LYZL1: variants seen among roughly 807,000 people sequenced by gnomAD.
LYZL1 encodes lysozyme-like protein 1.
LYZL1 carries 16 observed loss-of-function variants against 17.9 expected under a neutral mutation model. The ratio of observed to expected loss-of-function variants is 0.90; its 90% CI spans 0.61 to 1.36. The LOEUF (loss-of-function observed/expected upper bound fraction) is 1.36, where lower values mean the gene tolerates loss of function less well. Ranked by LOEUF, LYZL1 falls within the 40% of genes most tolerant of loss-of-function variation. The pLI is 0.00. For synonymous variants in LYZL1, 58 were observed against 71.8 expected (o/e 0.81, Z 0.97); for missense variants, 149 against 188.4 (o/e 0.79, Z 1.22).
chr10:29,311,462 A>G (rs1835671614), downstream of LYZL1, among the ~76,000 whole-genome samples: 4 of 152,078 alleles, frequency 2.6e-5, no homozygotes, highest in South Asian at 8.3e-4. Flanking sequence ...GGAGCACCTG[A>G]GGGGCCGAAT....
chr10:29,317,735 A>G (rs1835748353), intron 4 of LYZL1, among the ~76,000 whole-genome samples: 1 of 152,192 alleles, frequency 6.6e-6, no homozygotes, highest in Non-Finnish European at 1.5e-5. Context: ...TAGCAACCGT[A>G]TTAGAAGCAT....
chr10:29,292,063 G>A lies in LYZL1; in HGVS notation c.139+57G>A, dbSNP rs922707723. 182 of 1,528,236 alleles carry A rather than the reference G, an allele frequency of 1.2e-4. 6 individuals are homozygous for A. Among genetic ancestry groups the A allele is most frequent in the Non-Finnish European group, 1.5e-4 (165 of 1,127,548 alleles). 94.7% of individuals were successfully genotyped at this position (1,528,236 alleles called of 1,614,324 possible). Reference sequence around the variant, plus strand: ...TCCTTGACCTTTCCCCTGAGATGTTGAAGGTCCTGGCCACACTCCCTGCTG... The same window carrying A: ...TCCTTGACCTTTCCCCTGAGATGTTAAAGGTCCTGGCCACACTCCCTGCTG... On this transcript the variant is annotated intron_variant, in intron 2 of 4. Coordinates refer to ENST00000649382, the MANE Select transcript of LYZL1 (RefSeq NM_032517.6).
In LYZL1 at chr10:29,310,188, G is replaced by T. The variant is rs1388916364; in HGVS notation, c.377G>T (p.Trp126Leu). 6.2e-7 allele frequency: 1 copy of T among 1,600,310 alleles called. No individual in the cohort carries two copies. The highest frequency in any genetic ancestry group is 8.6e-7 in the Non-Finnish European group (1 of 1,168,008). ...IVKETQGMNY[W>L]QGWKKHCEGR... ...AAAGAGACACAAGGAATGAACTATT[G>T]GTAAGAGTGTTTTCTTGGGAGACTT... is the stretch of plus-strand genomic sequence containing the variant. The change falls in exon 4 of 5, where the codon TGG becomes TTG. Residue 126 changes from tryptophan (W) to leucine (L), a missense_variant and splice_region_variant. Physicochemically the swap from Trp to Leu is moderately conservative, Grantham distance 61. Coordinates refer to ENST00000649382, the MANE Select transcript of LYZL1 (RefSeq NM_032517.6).
Position 29,292,516 on chromosome 10 carries a change from C to T in LYZL1, c.140-3C>T. The T allele has an allele frequency of 6.2e-6, 10 of 1,612,868 alleles. No individual in the cohort carries two copies. Among genetic ancestry groups the T allele is most frequent in the Non-Finnish European group, 7.6e-6 (9 of 1,179,606 alleles). ...CTGGCGTTTCTGGCTTTCCCCCCTC[C>T]AGGGATCTGCATGGCATATTATGAG... is the stretch of plus-strand genomic sequence containing the variant. On this transcript the variant is annotated splice_region_variant and splice_polypyrimidine_tract_variant and intron_variant, in intron 2 of 4. Coordinates refer to ENST00000649382, the MANE Select transcript of LYZL1 (RefSeq NM_032517.6).
chr10:29,293,127 C>CTTTTCTTTTT (rs1835397932), intron 3 of LYZL1, among the ~76,000 whole-genome samples: 12 of 104,182 alleles, frequency 1.2e-4, no homozygotes, highest in African/African-American at 2.1e-4. Flanking sequence ...CTTTTCTTTT[C>CTTTTCTTTTT]TTTTTTCTTT....
At chr10:29,308,258 A>G (rs1022890685) in intron 3 of LYZL1, among the ~76,000 whole-genome samples, 2 of 152,180 alleles carry the variant, frequency 1.3e-5, no homozygotes, top group African/African-American at 4.8e-5. Flanking sequence ...GGGGTGACCC[A>G]CACCCAGTGA....
intron 3 of LYZL1, among the ~76,000 whole-genome samples, chr10:29,296,345 C>CCAA (rs373599699): frequency 6.4e-4 from 97 of 152,034 alleles, no homozygotes; most frequent in Middle Eastern, 3.4e-3. Context: ...AAACACAGAA[C>CCAA]CAACAACAAC....
chr10:29,296,588 A>G (rs1030016839), intron 3 of LYZL1, among the ~76,000 whole-genome samples: 8 of 152,150 alleles, frequency 5.3e-5, no homozygotes, highest in African/African-American at 1.4e-4. Flanking sequence ...GACCTCAACA[A>G]TCTTTGAGGT....
chr10:29,296,643 T>C (rs978354914), intron 3 of LYZL1, among the ~76,000 whole-genome samples: 1 of 152,184 alleles, frequency 6.6e-6, no homozygotes, highest in Non-Finnish European at 1.5e-5. Flanking sequence ...TTATAGTTTC[T>C]ATAGTTCCAA....
At chr10:29,316,857 C>A (rs559223816) in intron 3 of LYZL1, among the ~76,000 whole-genome samples, 6 of 152,018 alleles carry the variant, frequency 3.9e-5, no homozygotes, top group African/African-American at 7.2e-5. Flanking sequence ...GCTGGGACTA[C>A]AGGCGTGAGC....
chr10:29,299,121 C>T (rs143525956), intron 3 of LYZL1, among the ~76,000 whole-genome samples: 1 of 152,122 alleles, frequency 6.6e-6, no homozygotes, highest in Non-Finnish European at 1.5e-5. Flanking sequence ...GTTCGCACTC[C>T]TATGAGAATC....
chr10:29,302,574 ATC>A (rs1414263375), intron 3 of LYZL1, among the ~76,000 whole-genome samples: 1 of 152,190 alleles, frequency 6.6e-6, no homozygotes, highest in Admixed American at 6.5e-5. Flanking sequence ...AGCATCTTAA[ATC>A]TCCACCCAGG....
At chr10:29,290,977 A>C (rs1232076569) in intron 1 of LYZL1, among the ~76,000 whole-genome samples, 1 of 152,210 alleles carries the variant, frequency 6.6e-6, no homozygotes, top group Non-Finnish European at 1.5e-5. Context: ...TAACCCTTAA[A>C]GTTTTCCATA....
chr10:29,311,705 C>A (rs559837780), downstream of LYZL1, among the ~76,000 whole-genome samples: 1 of 152,172 alleles, frequency 6.6e-6, no homozygotes, highest in Non-Finnish European at 1.5e-5. Context: ...TCACCAGGCA[C>A]GGTGGCTCAC....
chr10:29,305,539 G>A (rs1835577943), intron 3 of LYZL1, among the ~76,000 whole-genome samples: 1 of 152,168 alleles, frequency 6.6e-6, no homozygotes, highest in Non-Finnish European at 1.5e-5. Context: ...ACATGTGCCT[G>A]ACATAGAGTA....
rs117532001 is a variant in LYZL1 at position 29,310,392 on chromosome 10, T to C, written c.377+204T>C. On this transcript the variant is annotated intron_variant, in intron 4 of 4. Coordinates refer to ENST00000649382, the MANE Select transcript of LYZL1 (RefSeq NM_032517.6). ...TAGAAAGGGAGAGGAGACTTGGGAT[T>C]GGGTTAAGATAATTTGCAATTGCTT... Among the ~76,000 whole-genome samples, 115 of 152,118 alleles carry C rather than the reference T, an allele frequency of 7.6e-4. No homozygotes were observed. In the East Asian group the frequency reaches 0.02, roughly 27 times the overall value.
intron 3 of LYZL1, among the ~76,000 whole-genome samples, chr10:29,302,929 G>A (rs1232277739): frequency 6.6e-6 from 1 of 152,158 alleles, no homozygotes; most frequent in African/African-American, 2.4e-5. Context: ...GTGAAGTTCT[G>A]GAGTAGTTTT....
chr10:29,309,345 A>G (rs1347140586), intron 3 of LYZL1, among the ~76,000 whole-genome samples: 1 of 152,140 alleles, frequency 6.6e-6, no homozygotes, highest in Non-Finnish European at 1.5e-5. Context: ...ACAAAAACAA[A>G]AACAAAAACA....
At position 29,292,626 on chromosome 10, in the gene LYZL1, T is replaced by C. The variant is rs1038018460; in HGVS notation, c.247T>C (p.Cys83Arg). Residue 83 changes from cysteine (C) to arginine (R), a missense_variant, in exon 3 of 5, where the codon TGC becomes CGC. Around this residue, in one of 2 missense-constraint regions of LYZL1, gnomAD observed 130 missense variants for 132.5 expected, o/e 0.98. Transcript: ENST00000649382. ...CTTCCAGATCAACAGCTTCGCGTGG[T>C]GCAGACGCGGAAAGCTGAAGGAGAA... is the stretch of plus-strand genomic sequence containing the variant. ...GIFQINSFAW[C>R]RRGKLKENNH... The C allele has an allele frequency of 2.5e-6, 4 of 1,614,230 alleles. No individual in the cohort carries two copies. In the Admixed American group the frequency reaches 5.0e-5, roughly 20 times the overall value.
Sources: gnomAD v4.1 joint callset for allele counts (sites outside exome capture counted in the v4.1 genomes callset) on GRCh38, gnomAD v4.1.1 for gene constraint, gnomAD v4.1.1 regional missense constraint, MANE v1.5 for transcripts, NCBI Gene and HGNC (gene_info 2026-07-23, HGNC 2026-07-21) for gene names.